Variants in SOX5 observed in about 807,000 individuals in gnomAD.
SOX5 encodes the protein SRY-box transcription factor 5, also known as transcription factor SOX-5.
A neutral mutation model predicts 92.0 loss-of-function variants in SOX5; 9 were observed. That is an observed-to-expected ratio of 0.10 (90% CI 0.06 to 0.17). The LOEUF is 0.17. Ranked by LOEUF, SOX5 falls within the 10% of genes least tolerant of loss-of-function variation. The probability of loss-of-function intolerance (pLI) is 1.00; values close to 1 mark genes in which losing one functional copy is unlikely to be tolerated. For synonymous variants in SOX5, 344 were observed against 336.3 expected (o/e 1.02, Z -0.25); for missense variants, 642 against 944.5 (o/e 0.68, Z 4.20).
intron 4 of SOX5, among the ~76,000 whole-genome samples, chr12:24,012,545 T>C (rs1409314111): frequency 2.6e-5 from 4 of 152,200 alleles, no homozygotes; most frequent in African/African-American, 9.6e-5. Context: ...TCTTTGAATA[T>C]CTCTGACTCA....
intron 3 of SOX5, among the ~76,000 whole-genome samples, chr12:23,823,022 G>C (rs927722126): frequency 1.3e-5 from 2 of 152,038 alleles, no homozygotes; most frequent in African/African-American, 4.8e-5. Context: ...TGCACATGAG[G>C]TGGGTCTCCT....
chr12:24,176,373 A>G (rs1954814443), intron 4 of SOX5, among the ~76,000 whole-genome samples: 1 of 152,148 alleles, frequency 6.6e-6, no homozygotes, highest in African/African-American at 2.4e-5. Context: ...TTCAAAGATA[A>G]AAATGTCGGG....
chr12:23,730,903 C>G (rs1376746017), intron 6 of SOX5, among the ~76,000 whole-genome samples: 1 of 152,142 alleles, frequency 6.6e-6, no homozygotes, highest in African/African-American at 2.4e-5. Flanking sequence ...TACCTAGATA[C>G]CTGGTAAAAC....
chr12:23,962,372 C>T (rs1433319243), intron 4 of SOX5, among the ~76,000 whole-genome samples: 2 of 152,214 alleles, frequency 1.3e-5, no homozygotes, highest in Non-Finnish European at 2.9e-5. Context: ...AAACCACACA[C>T]GCAAACACAC....
At chr12:23,815,803 C>T (rs1432101902) in intron 3 of SOX5, among the ~76,000 whole-genome samples, 1 of 152,090 alleles carries the variant, frequency 6.6e-6, no homozygotes, top group African/African-American at 2.4e-5. Context: ...GCTAGGAACT[C>T]TGGATAATGG....
At chr12:24,243,756 G>T (rs577277177) in intron 3 of SOX5, among the ~76,000 whole-genome samples, 1 of 152,002 alleles carries the variant, frequency 6.6e-6, no homozygotes, top group Admixed American at 6.6e-5. Flanking sequence ...TTATTATAAT[G>T]ATACAGACTG....
At chr12:24,065,396 C>T (rs1159360906) in intron 4 of SOX5, among the ~76,000 whole-genome samples, 2 of 152,060 alleles carry the variant, frequency 1.3e-5, no homozygotes, top group African/African-American at 4.8e-5. Context: ...TGCCATTAAT[C>T]CCAGCACTTT....
chr12:24,075,186 T>C (rs1002683181), intron 4 of SOX5, among the ~76,000 whole-genome samples: 1 of 151,064 alleles, frequency 6.6e-6, no homozygotes, highest in East Asian at 1.9e-4. Context: ...GGAGGATTGC[T>C]TGAGCCCAAA....
Position 24,126,549 on chromosome 12 carries a change from C to G in SOX5, c.-2+86794G>C, listed in dbSNP as rs143943229. 5.5e-3 allele frequency among the ~76,000 whole-genome samples: 845 copies of G among 152,320 alleles called. 7 individuals carry two copies. The highest frequency in any genetic ancestry group is 0.019 in the African/African-American group (794 of 41,570). ...AATTTAATAAGTTTTCAATCTGCCA[C>G]TTCTCGGCATCTCCACCACCTCCAT... On this transcript the variant is annotated intron_variant, in intron 4 of 4. Coordinates refer to the SOX5 transcript ENST00000446891.
At position 24,194,412 on chromosome 12, in the gene SOX5, GGTAGGTAGGTAGGTAGGTAT is replaced by G. The variant is rs535490540; in HGVS notation, c.-2+18911_-2+18930del. On this transcript the variant is annotated intron_variant, in intron 4 of 4. Transcript: ENST00000446891. Reference sequence around the variant, plus strand: ...ATCTATCTATCTATCTAGATAGGTAGGTAGGTAGGTAGGTAGGTATGTAGGTAGGTAGGTAGGTAGGTAGA... The same window carrying G: ...ATCTATCTATCTATCTAGATAGGTAGGTAGGTAGGTAGGTAGGTAGGTAGA... Among the ~76,000 whole-genome samples, 880 of 137,666 alleles carry G rather than the reference GGTAGGTAGGTAGGTAGGTAT, an allele frequency of 6.4e-3. 7 individuals are homozygous for G. The highest frequency in any genetic ancestry group is 0.025 in the East Asian group (129 of 5,154). 90.3% of individuals were successfully genotyped at this position (137,666 alleles called of 152,430 possible). A position where few individuals can be genotyped will look rare whatever the true frequency, so the allele number is the denominator to read the frequency against.
chr12:24,379,043 C>T lies in SOX5; in HGVS notation c.-250-10404G>A, dbSNP rs183364646. Among the ~76,000 whole-genome samples the T allele has an allele frequency of 1.3e-3, 193 of 152,344 alleles. 4 individuals are homozygous for T. The highest frequency in any genetic ancestry group is 1.6e-4 in the Non-Finnish European group (11 of 68,036). ...CTACAGCAAAAGCACACAGCTCTTA[C>T]CCATTGGAACACGGCTCCACAATCA... On this transcript the variant is annotated intron_variant, in intron 1 of 4. Coordinates refer to the SOX5 transcript ENST00000446891.
intron 3 of SOX5, among the ~76,000 whole-genome samples, chr12:24,270,768 T>C (rs1412666117): frequency 6.6e-6 from 1 of 152,228 alleles, no homozygotes; most frequent in Non-Finnish European, 1.5e-5. Flanking sequence ...TGTTCCTAAA[T>C]GATATAATTT....
chr12:24,056,742 G>C (rs1216939304), intron 4 of SOX5, among the ~76,000 whole-genome samples: 2 of 151,634 alleles, frequency 1.3e-5, no homozygotes, highest in Admixed American at 6.6e-5. Flanking sequence ...TTGGGAGGCC[G>C]AGGCGGGCGG....
chr12:23,740,393 CCTGA>C (rs1204625243), intron 5 of SOX5, among the ~76,000 whole-genome samples: 2 of 152,194 alleles, frequency 1.3e-5, no homozygotes, highest in Admixed American at 1.3e-4. Flanking sequence ...CGGTCATTAC[CCTGA>C]CTAATTTAGA....
chr12:24,329,666 A>G (rs1355502705), intron 2 of SOX5, among the ~76,000 whole-genome samples: 1 of 152,252 alleles, frequency 6.6e-6, no homozygotes, highest in Non-Finnish European at 1.5e-5. Context: ...TTATTCATTT[A>G]CAATAATAAA....
At chr12:24,134,898 T>TA (rs1240696917) in intron 4 of SOX5, among the ~76,000 whole-genome samples, 1 of 152,104 alleles carries the variant, frequency 6.6e-6, no homozygotes, top group African/African-American at 2.4e-5. Flanking sequence ...ATCCAGGGAT[T>TA]AAAAAAAGTA....
intron 2 of SOX5, among the ~76,000 whole-genome samples, chr12:24,349,345 A>G (rs914374912): frequency 4.6e-5 from 7 of 152,226 alleles, no homozygotes; most frequent in Admixed American, 6.5e-5. Flanking sequence ...CACATTAAGT[A>G]CATTCATATT....
intron 6 of SOX5, among the ~76,000 whole-genome samples, chr12:23,715,432 A>T (rs2140442834): frequency 1.3e-5 from 2 of 152,326 alleles, no homozygotes; most frequent in Middle Eastern, 3.4e-3. Context: ...AAATGCTAAC[A>T]AATAGAGAAA....
intron 4 of SOX5, among the ~76,000 whole-genome samples, chr12:24,045,118 TAGTA>T (rs534893752): frequency 2.1e-4 from 32 of 152,114 alleles, no homozygotes; most frequent in African/African-American, 7.0e-4. Context: ...AGCAAAAGCA[TAGTA>T]AGTAAGTAAG....
Sources: gnomAD v4.1 joint callset for allele counts (sites outside exome capture counted in the v4.1 genomes callset) on GRCh38, gnomAD v4.1.1 for gene constraint, MANE v1.5 for transcripts, NCBI Gene and HGNC (gene_info 2026-07-23, HGNC 2026-07-21) for gene names.